The following STARD13 variants were observed in gnomAD, a reference collection of about 807,000 sequenced individuals.
STARD13 encodes the protein StAR related lipid transfer domain containing 13.
A neutral mutation model predicts 106.4 loss-of-function variants in STARD13; 62 were observed. The ratio of observed to expected loss-of-function variants is 0.58; its 90% confidence interval spans 0.48 to 0.72. The LOEUF is 0.72. Among genes scored for constraint, STARD13 ranks in the 30% least tolerant of loss-of-function variants. The pLI, the probability that STARD13 is intolerant of heterozygous loss-of-function variation, is 0.00. For missense variants in STARD13, 1,387 were observed against 1,424.0 expected, an observed-to-expected ratio of 0.97 and a Z score of 0.42; for synonymous variants, 565 against 553.0, an observed-to-expected ratio of 1.02 and a Z score of -0.31.
At position 33,110,693 on chromosome 13, in the gene STARD13, A is replaced by G. The variant is rs767348851; in HGVS notation, c.2822T>C (p.Phe941Ser). ...CSSTDNTDLA[F>S]KKVGDGNPLK... Reference sequence around the variant, plus strand: ...TCCATCCTCTGAGATTACCTTTTTGAAAGCAAGATCTGTATTGTCCGTGCT... The same window carrying G: ...TCCATCCTCTGAGATTACCTTTTTGGAAGCAAGATCTGTATTGTCCGTGCT... The change falls in exon 11 of 14, where the codon TTC becomes TCC. Residue 941 changes from phenylalanine to serine, a missense_variant. By Grantham distance (155) the Phe-to-Ser change is radical. Coordinates refer to ENST00000336934, the MANE Select transcript of STARD13 (RefSeq NM_178006.4). The G allele has an allele frequency of 1.2e-6, 2 of 1,613,656 alleles. No individual in the cohort carries two copies. Among genetic ancestry groups the G allele is most frequent in the Non-Finnish European group, 1.7e-6 (2 of 1,179,678 alleles).
upstream of STARD13, among the ~76,000 whole-genome samples, chr13:33,286,007 G>C (rs1431452698): frequency 6.6e-6 from 1 of 152,074 alleles, no homozygotes; most frequent in Admixed American, 6.6e-5. Flanking sequence ...GAAAGAAAAA[G>C]AGAGAGGGAA....
chr13:33,654,073 G>C, the STARD13 span, among the ~76,000 whole-genome samples: 1 of 152,198 alleles, frequency 6.6e-6, no homozygotes, highest in East Asian at 1.9e-4. Context: ...CTCATACATT[G>C]CTAGTGAGAA....
the STARD13 span, among the ~76,000 whole-genome samples, chr13:33,621,710 T>A: frequency 2.0e-5 from 3 of 147,062 alleles, no homozygotes; most frequent in African/African-American, 5.0e-5. Flanking sequence ...AATTCAAAAA[T>A]CTGAGAAGCT....
chr13:33,402,492 C>T, the STARD13 span, among the ~76,000 whole-genome samples: 2 of 152,204 alleles, frequency 1.3e-5, no homozygotes, highest in African/African-American at 4.8e-5. Flanking sequence ...GATGGACTGG[C>T]TAGAAGAGGG....
the STARD13 span, among the ~76,000 whole-genome samples, chr13:33,511,175 T>A: frequency 6.6e-6 from 1 of 151,988 alleles, no homozygotes; most frequent in Admixed American, 6.6e-5. Flanking sequence ...TAGCCAGGTA[T>A]GGTGGAGTGT....
At chr13:33,171,209 C>A (rs1231425545) in intron 1 of STARD13, among the ~76,000 whole-genome samples, 1 of 152,172 alleles carries the variant, frequency 6.6e-6, no homozygotes, top group African/African-American at 2.4e-5. Flanking sequence ...TCTCCATTTG[C>A]TACCCTTACC....
chr13:33,216,673 T>C (rs1003749486), intron 1 of STARD13, among the ~76,000 whole-genome samples: 1 of 152,084 alleles, frequency 6.6e-6, no homozygotes, highest in Non-Finnish European at 1.5e-5. Flanking sequence ...AGGAACTTGC[T>C]CATGTAACCA....
chr13:33,360,886 C>T, the STARD13 span, among the ~76,000 whole-genome samples: 1 of 148,060 alleles, frequency 6.8e-6, no homozygotes, highest in Non-Finnish European at 1.5e-5. Context: ...AGCTCCGCCT[C>T]CCAGGTTCAC....
chr13:33,537,745 G>C, the STARD13 span, among the ~76,000 whole-genome samples: 1 of 152,126 alleles, frequency 6.6e-6, no homozygotes, highest in Non-Finnish European at 1.5e-5. Flanking sequence ...ATTTCTTCTT[G>C]CCTGACTAGA....
chr13:33,500,323 T>A, the STARD13 span, among the ~76,000 whole-genome samples: 3 of 152,316 alleles, frequency 2.0e-5, no homozygotes, highest in Admixed American at 2.0e-4. Context: ...CTAACTTACA[T>A]TATTTGACTT....
At chr13:33,665,460 C>T in the STARD13 span, among the ~76,000 whole-genome samples, 6 of 152,092 alleles carry the variant, frequency 3.9e-5, no homozygotes, top group African/African-American at 1.4e-4. Context: ...TACTCTTGTA[C>T]CTTTAATTAA....
At chr13:33,612,278 A>G in the STARD13 span, among the ~76,000 whole-genome samples, 1 of 152,282 alleles carries the variant, frequency 6.6e-6, no homozygotes, top group African/African-American at 2.4e-5. Flanking sequence ...CTTCCTTAAG[A>G]CACTTGACTT....
chr13:33,517,054 TA>T, the STARD13 span, among the ~76,000 whole-genome samples: 74 of 152,228 alleles, frequency 4.9e-4, 1 homozygote, highest in South Asian at 0.011. Flanking sequence ...TTCAATAAAA[TA>T]TACTATTAAA....
At chr13:33,191,979 C>T (rs1026557417) in intron 1 of STARD13, among the ~76,000 whole-genome samples, 3 of 152,186 alleles carry the variant, frequency 2.0e-5, no homozygotes, top group Non-Finnish European at 2.9e-5. Flanking sequence ...GCAAATCAGC[C>T]GGGCAATCTG....
the STARD13 span, among the ~76,000 whole-genome samples, chr13:33,543,670 A>G: frequency 0.22 from 33,360 of 152,116 alleles, 4,028 homozygotes; most frequent in East Asian, 0.42. Context: ...GCATGCATCC[A>G]GATTCTCTAG....
At chr13:33,251,914 C>A (rs959585841) in intron 1 of STARD13, among the ~76,000 whole-genome samples, 3 of 152,174 alleles carry the variant, frequency 2.0e-5, no homozygotes, top group African/African-American at 7.2e-5. Flanking sequence ...CCCTTCCTTT[C>A]CAAAACAGAC....
chr13:33,667,761 T>C, the STARD13 span, among the ~76,000 whole-genome samples: 1 of 152,244 alleles, frequency 6.6e-6, no homozygotes, highest in African/African-American at 2.4e-5. Flanking sequence ...ATGTGGTCTG[T>C]TACAAAAACA....
In STARD13 at chr13:33,343,591, A is replaced by AAAC. The variant is rs1566150500; in HGVS notation, c.124+6698_124+6699insGTT. 1.7e-4 allele frequency among the ~76,000 whole-genome samples: 16 copies of AAAC among 94,584 alleles called. 1 individual carries two copies. Among genetic ancestry groups the AAAC allele is most frequent in the South Asian group, 1.3e-3 (3 of 2,356 alleles). The allele number at this position is 94,584 out of a possible 152,430, so 62.1% of individuals were successfully genotyped here. On this transcript the variant is annotated intron_variant, in intron 1 of 5. Transcript: ENST00000567873. ...AGACCCTGTCTTAAAAAAAAAAAAA[A>AAAC]AAAAAACAAATCTACAAATCTAGTA...
chr13:33,539,546 T>C, the STARD13 span, among the ~76,000 whole-genome samples: 1 of 152,210 alleles, frequency 6.6e-6, no homozygotes, highest in African/African-American at 2.4e-5. Context: ...AACAGACATA[T>C]TTATCAATGA....
Sources: allele counts gnomAD v4.1 joint callset (sites outside exome capture counted in the v4.1 genomes callset), GRCh38; gene constraint gnomAD v4.1.1; transcripts MANE v1.5; gene names NCBI Gene and HGNC (gene_info 2026-07-23, HGNC 2026-07-21).